ERN2: variants seen among roughly 807,000 people sequenced by gnomAD.
The protein encoded by ERN2 is serine/threonine-protein kinase/endoribonuclease IRE2.
ERN2 carries 111 observed loss-of-function variants against 107.9 expected under a neutral mutation model. The observed-to-expected ratio is 1.03, with a 90% CI of 0.88 to 1.20. The LOEUF is 1.20. Ranked by LOEUF, ERN2 falls within the 50% of genes most tolerant of loss-of-function variation. The pLI is 0.00. For missense variants in ERN2, 1,225 were observed against 1,197.9 expected (o/e 1.02, Z -0.33); for synonymous variants, 524 against 501.7 (o/e 1.04, Z -0.59).
At chr16:23,698,960 G>A (rs1455198533) in intron 13 of ERN2, among the ~76,000 whole-genome samples, 1 of 152,176 alleles carries the variant, frequency 6.6e-6, no homozygotes, top group African/African-American at 2.4e-5. Context: ...TAGTCCATGA[G>A]GACTTTGACA....
At position 23,710,898 on chromosome 16, in the gene ERN2, C is replaced by T; in HGVS notation, c.199+15G>A. On this transcript the variant is annotated intron_variant, in intron 2 of 21. Coordinates refer to ENST00000256797, the MANE Select transcript of ERN2 (RefSeq NM_033266.4). ...TATGGGCCCAAGGAGGGAGGAGGGA[C>T]CACCTCTTGCTCACCATCCCTCAGA... 1 of 1,579,864 alleles carries T rather than the reference C, an allele frequency of 6.3e-7. No individual in the cohort carries two copies. The highest frequency in any genetic ancestry group is 8.7e-7 in the Non-Finnish European group (1 of 1,148,726).
intron 13 of ERN2, 36 bp downstream of exon 13, chr16:23,700,503 G>T (rs1381745206): frequency 6.4e-7 from 1 of 1,569,124 alleles, no homozygotes. Context: ...GCTTTTCTCT[G>T]TTCCTGACTG....
chr16:23,691,827 G>A, intron 19 of ERN2, 136 bp downstream of exon 19: 1 of 1,260,756 alleles, frequency 7.9e-7, no homozygotes, highest in Non-Finnish European at 1.1e-6. Flanking sequence ...CTGGCTCCCA[G>A]TTTAGGGAAA....
At chr16:23,710,425 G>A in intron 3 of ERN2, 91 bp downstream of exon 3, 2 of 1,395,000 alleles carry the variant, frequency 1.4e-6, no homozygotes, top group South Asian at 1.2e-5. Context: ...CTTCCAACAT[G>A]TCCCTGCCCC....
At chr16:23,701,638 CTT>C (rs61424406) in intron 11 of ERN2, among the ~76,000 whole-genome samples, 95 of 137,784 alleles carry the variant, frequency 6.9e-4, no homozygotes, top group African/African-American at 8.8e-4. Context: ...TAGTCAATGT[CTT>C]TTTTTTTTTT....
chr16:23,713,061 C>T, intron 1 of ERN2, 34 bp downstream of exon 1: 2 of 1,477,570 alleles, frequency 1.4e-6, no homozygotes, highest in Non-Finnish European at 1.8e-6. Context: ...CGCGACCAGA[C>T]TTTGGGGACT....
At position 23,690,667 on chromosome 16, in the gene ERN2, G is replaced by T; in HGVS notation, c.*164C>A. On this transcript the variant is annotated 3_prime_UTR_variant, in exon 22 of 22. Transcript: ENST00000256797. The stretch of plus-strand genomic sequence containing the variant: ...AATGGGGTGTTGCCATGTTGGCCAG[G>T]CTGGTCTCGAACTCCTGAGCTCAAG... 1 of 629,944 alleles carries T rather than the reference G, an allele frequency of 1.6e-6. No individual in the cohort carries two copies. The highest frequency in any genetic ancestry group is 2.8e-6 in the Non-Finnish European group (1 of 360,726). 39.0% of individuals were successfully genotyped at this position (629,944 alleles called of 1,614,324 possible).
At chr16:23,702,322 C>A (rs764773410) in intron 10 of ERN2, 49 bp from the exon 11 acceptor site, 20 of 1,612,040 alleles carry the variant, frequency 1.2e-5, no homozygotes, top group Non-Finnish European at 1.5e-5. Flanking sequence ...CTTAGCTTTC[C>A]AGCTCAGAAG....
In ERN2 at chr16:23,705,837, C is replaced by T. The variant is rs142296061; in HGVS notation, c.589+493G>A. Among the ~76,000 whole-genome samples, 14 of 152,152 alleles carry T rather than the reference C, an allele frequency of 9.2e-5. No homozygotes were observed. In the East Asian group the frequency reaches 2.7e-3, roughly 29 times the overall value. ...GCTGAGGATAGGGGATCACTTCAGC[C>T]CAGGAGTTGGAGGCTACGGTAAGCT... On this transcript the variant is annotated intron_variant, in intron 7 of 21. Transcript: ENST00000256797.
intron 13 of ERN2, 151 bp from the exon 14 acceptor site, chr16:23,696,129 C>A: frequency 1.6e-6 from 1 of 627,752 alleles, no homozygotes. Flanking sequence ...AAGTGCCAGA[C>A]TGTCTGGATC....
intron 4 of ERN2, chr16:23,709,864 T>G: frequency 4.0e-6 from 1 of 249,874 alleles, no homozygotes; most frequent in Non-Finnish European, 7.7e-6. Flanking sequence ...AGCTCTTGAG[T>G]TTTGGGTTGA....
chr16:23,690,673 C>A lies in ERN2; in HGVS notation c.*158G>T. ...GTGTTGCCATGTTGGCCAGGCTGGT[C>A]TCGAACTCCTGAGCTCAAGTGATCC... On this transcript the variant is annotated 3_prime_UTR_variant, in exon 22 of 22. Transcript: ENST00000256797. 1 of 643,950 alleles carries A rather than the reference C, an allele frequency of 1.6e-6. No individual in the cohort carries two copies. Among genetic ancestry groups the A allele is most frequent in the Non-Finnish European group, 2.7e-6 (1 of 372,340 alleles). The allele number at this position is 643,950 out of a possible 1,614,324, so 39.9% of individuals were successfully genotyped here.
chr16:23,706,978 T>C, intron 5 of ERN2, 29 bp downstream of exon 5: 1 of 1,608,406 alleles, frequency 6.2e-7, no homozygotes, highest in Non-Finnish European at 8.5e-7. Flanking sequence ...TGGCTGAACC[T>C]GGACCCCACA....
intron 1 of ERN2, chr16:23,712,885 A>T (rs1960598493): frequency 5.7e-6 from 3 of 525,830 alleles, no homozygotes; most frequent in East Asian, 3.4e-5. Context: ...ACGCTGGCAG[A>T]TCTCCCCAGC....
At chr16:23,712,038 C>T (rs982994682) in intron 1 of ERN2, 4 of 454,136 alleles carry the variant, frequency 8.8e-6, no homozygotes, top group African/African-American at 4.0e-5. Context: ...AGGCTGAGCT[C>T]CCAGCAGGAG....
At position 23,690,986 on chromosome 16, in the gene ERN2, C is replaced by G; in HGVS notation, c.2626G>C (p.Asp876His). Residue 876 changes from aspartate to histidine, a missense_variant, in exon 22 of 22, where the codon GAT becomes CAT. By Grantham distance (81) the Asp-to-His change is moderately conservative. Coordinates refer to ENST00000256797, the MANE Select transcript of ERN2 (RefSeq NM_033266.4). Reference protein sequence around the residue: ...EVRQALGQVPDGFVQYFTNRF... With the variant: ...EVRQALGQVPHGFVQYFTNRF... The stretch of plus-strand genomic sequence containing the variant: ...TTTGTGAAGTACTGGACGAAGCCAT[C>G]AGGGACTTGGCCGAGTGCCTGTCGC... 6.2e-7 allele frequency: 1 copy of G among 1,614,162 alleles called. No homozygotes were observed. Among genetic ancestry groups the G allele is most frequent in the Non-Finnish European group, 8.5e-7 (1 of 1,180,044 alleles).
chr16:23,713,151 G>A lies in ERN2; in HGVS notation c.37C>T (p.Arg13Trp). 3.2e-6 allele frequency: 5 copies of A among 1,574,208 alleles called. No individual in the cohort carries two copies. Among genetic ancestry groups the A allele is most frequent in the Non-Finnish European group, 4.3e-6 (5 of 1,165,944 alleles). The change falls in exon 1 of 22, where the codon CGG becomes TGG. Residue 13 changes from arginine (R) to tryptophan (W), a missense_variant. By Grantham distance (101) the Arg-to-Trp change is moderately radical. Coordinates refer to ENST00000256797, the MANE Select transcript of ERN2 (RefSeq NM_033266.4). ...SAVRGSRPWP[R>W]LGLQLQFAAL... ...GCGAACTGGAGCTGGAGCCCCAGCC[G>A]GGGCCACGGCCTCGACCCCCTGACC...
At chr16:23,698,593 T>C (rs917597992) in intron 13 of ERN2, among the ~76,000 whole-genome samples, 2 of 152,150 alleles carry the variant, frequency 1.3e-5, no homozygotes, top group Admixed American at 6.5e-5. Context: ...TTTTTTGTTT[T>C]GTTTTGTTTT....
At chr16:23,701,576 T>G (rs1395111675) in intron 11 of ERN2, among the ~76,000 whole-genome samples, 2 of 152,294 alleles carry the variant, frequency 1.3e-5, no homozygotes, top group East Asian at 1.9e-4. Flanking sequence ...ATTTTACAAT[T>G]TTTACGCTGA....
Sources: gnomAD v4.1 joint callset for allele counts (sites outside exome capture counted in the v4.1 genomes callset) on GRCh38, gnomAD v4.1.1 for gene constraint, MANE v1.5 for transcripts, NCBI Gene and HGNC (gene_info 2026-07-23, HGNC 2026-07-21) for gene names.